PARD3B: variants seen among roughly 807,000 people sequenced by gnomAD.
PARD3B encodes the protein partitioning defective 3 homolog B.
A neutral mutation model predicts 130.2 loss-of-function variants in PARD3B; 103 were observed. The ratio of observed to expected loss-of-function variants is 0.79; its 90% CI spans 0.67 to 0.93. The LOEUF (loss-of-function observed/expected upper bound fraction) is 0.93, where lower values mean the gene tolerates loss of function less well. Ranked by LOEUF, PARD3B falls within the 40% of genes least tolerant of loss-of-function variation. The pLI is 0.00. For missense variants in PARD3B, 1,609 were observed against 1,499.2 expected (o/e 1.07, Z -1.21); for synonymous variants, 583 against 553.2 (o/e 1.05, Z -0.76).
chr2:204,846,419 A>T (rs967474745), intron 2 of PARD3B, among the ~76,000 whole-genome samples: 3 of 152,050 alleles, frequency 2.0e-5, no homozygotes, highest in African/African-American at 7.2e-5. Context: ...AGAAATACAT[A>T]GGCGTGTACA....
At chr2:205,378,640 T>C (rs2105927351) in intron 18 of PARD3B, among the ~76,000 whole-genome samples, 1 of 151,072 alleles carries the variant, frequency 6.6e-6, no homozygotes, top group Non-Finnish European at 1.5e-5. Flanking sequence ...TTTTTCTTTT[T>C]TTTTTTTTTT....
chr2:204,852,276 G>T (rs1575134431), intron 2 of PARD3B, among the ~76,000 whole-genome samples: 1 of 150,172 alleles, frequency 6.7e-6, no homozygotes, highest in Non-Finnish European at 1.5e-5. Flanking sequence ...TTTCATTATT[G>T]CCCTGTGGGA....
chr2:205,449,780 A>G (rs2048036075), intron 20 of PARD3B, among the ~76,000 whole-genome samples: 1 of 152,224 alleles, frequency 6.6e-6, no homozygotes, highest in African/African-American at 2.4e-5. Context: ...ATTTTGCAGA[A>G]AACTTTTATT....
intron 18 of PARD3B, among the ~76,000 whole-genome samples, chr2:205,370,667 G>A (rs73982896): frequency 0.015 from 2,213 of 152,334 alleles, 41 homozygotes; most frequent in African/African-American, 0.051. Context: ...CTTGGATGCA[G>A]TAGAGGGGAA....
At chr2:204,553,139 C>T (rs1041483417) in intron 1 of PARD3B, among the ~76,000 whole-genome samples, 2 of 151,152 alleles carry the variant, frequency 1.3e-5, no homozygotes, top group South Asian at 4.1e-4. Flanking sequence ...TAGAAATGGC[C>T]AACAAACAAG....
rs903131292 is a variant in PARD3B at position 205,241,103 on chromosome 2, C to G, written c.2141-4675C>G. Among the ~76,000 whole-genome samples the G allele has an allele frequency of 6.6e-6, 1 of 152,166 alleles. No homozygotes were observed. The highest frequency in any genetic ancestry group is 1.5e-5 in the Non-Finnish European group (1 of 68,004). On this transcript the variant is annotated intron_variant, in intron 15 of 22. Transcript: ENST00000406610. This position sits in a 1 kb window ranked among gnomAD's most constrained non-coding sequence, Gnocchi z 4.2. ...AAGATGCCATTGATGCTGGGCAGTT[C>G]TAATTAGCTTCAAAGGCTTACAACC...
At chr2:204,694,517 G>C (rs1478724259) in intron 2 of PARD3B, among the ~76,000 whole-genome samples, 1 of 151,990 alleles carries the variant, frequency 6.6e-6, no homozygotes, top group Non-Finnish European at 1.5e-5. Context: ...ATTTTAGTTA[G>C]TGATAGAGTG....
At position 205,301,488 on chromosome 2, in the gene PARD3B, A is replaced by T. The variant is rs556707988; in HGVS notation, c.2417A>T (p.His806Leu). 1.2e-5 allele frequency: 19 copies of T among 1,612,536 alleles called. No homozygotes were observed. Among genetic ancestry groups the T allele is most frequent in the African/African-American group, 8.0e-5 (6 of 74,646 alleles). The change falls in exon 18 of 23, where the codon CAC becomes CTC. Residue 806 changes from histidine to leucine, a missense_variant. Transcript: ENST00000406610. This position sits in a 1 kb window ranked among gnomAD's most constrained non-coding sequence, Gnocchi z 5.2. ...EADGLSDKSSHSGQGALNCES... is the reference protein window; with the variant it reads ...EADGLSDKSSLSGQGALNCES... ...GACGGTCTGTCTGATAAGAGCTCTC[A>T]CTCTGGCCAAGGAGCTCTGAATTGT... is the stretch of plus-strand genomic sequence containing the variant.
chr2:205,039,248 T>G (rs933186180), intron 3 of PARD3B, among the ~76,000 whole-genome samples: 2 of 152,088 alleles, frequency 1.3e-5, no homozygotes, highest in African/African-American at 4.8e-5. Flanking sequence ...ATGGGAGTAA[T>G]AGCAATACTG....
At chr2:205,248,411 T>TGGTGGCGGC (rs1559584640) in intron 16 of PARD3B, among the ~76,000 whole-genome samples, 1 of 148,244 alleles carries the variant, frequency 6.7e-6, no homozygotes, top group African/African-American at 2.5e-5. Context: ...GTGGTGGTGG[T>TGGTGGCGGC]GGTGGCGGCA....
At chr2:204,834,591 T>C (rs2043960621) in intron 2 of PARD3B, among the ~76,000 whole-genome samples, 2 of 152,218 alleles carry the variant, frequency 1.3e-5, no homozygotes, top group Non-Finnish European at 1.5e-5. Flanking sequence ...AGCATGTATA[T>C]GTTTATTAAT....
At chr2:205,376,619 A>T (rs2045064934) in intron 18 of PARD3B, among the ~76,000 whole-genome samples, 2 of 152,246 alleles carry the variant, frequency 1.3e-5, no homozygotes, top group African/African-American at 4.8e-5. Context: ...GTGTTCAAGT[A>T]CTGCATGCAA....
intron 18 of PARD3B, among the ~76,000 whole-genome samples, chr2:205,302,773 G>C (rs892874001): frequency 6.6e-6 from 1 of 152,092 alleles, no homozygotes; most frequent in Non-Finnish European, 1.5e-5. Context: ...TCTGGGCTCT[G>C]ATGCCCAAGT....
chr2:204,636,618 C>T (rs896950099), intron 1 of PARD3B, among the ~76,000 whole-genome samples: 2 of 152,088 alleles, frequency 1.3e-5, no homozygotes, highest in South Asian at 2.1e-4. Context: ...TTCCTTTGTC[C>T]TGCCTTCAGG....
intron 3 of PARD3B, among the ~76,000 whole-genome samples, chr2:204,976,183 G>C (rs1692130081): frequency 6.6e-6 from 1 of 152,078 alleles, no homozygotes; most frequent in Non-Finnish European, 1.5e-5. Context: ...GAAGCAAGTA[G>C]GCAATGGAAT....
rs575426169 is a variant in PARD3B, at chr2:205,067,402, C to G, written c.504+19712C>G. Among the ~76,000 whole-genome samples the G allele has an allele frequency of 4.6e-5, 7 of 151,962 alleles. No individual in the cohort carries two copies. In the South Asian group the frequency reaches 1.5e-3, roughly 32 times the overall value. On this transcript the variant is annotated intron_variant, in intron 4 of 22. Coordinates refer to ENST00000406610, the MANE Select transcript of PARD3B (RefSeq NM_001302769.2). ...TGGCCTCAAACTCCTGGCCTCAAACCATCCTCCTGTCTTGGCCTTCCAAAG... is the reference window on the plus strand; with the variant it reads ...TGGCCTCAAACTCCTGGCCTCAAACGATCCTCCTGTCTTGGCCTTCCAAAG...
chr2:204,978,322 A>C (rs1172964828), intron 3 of PARD3B, among the ~76,000 whole-genome samples: 1 of 152,232 alleles, frequency 6.6e-6, no homozygotes, highest in Non-Finnish European at 1.5e-5. Context: ...ATAATTATTA[A>C]TGTCTATTAG....
At chr2:205,483,358 C>T (rs1369325388) in intron 20 of PARD3B, among the ~76,000 whole-genome samples, 1 of 152,186 alleles carries the variant, frequency 6.6e-6, no homozygotes, top group African/African-American at 2.4e-5. Context: ...AAAGCTCTTA[C>T]AGCTGTCCAA....
intron 2 of PARD3B, among the ~76,000 whole-genome samples, chr2:204,946,883 T>C (rs1456775345): frequency 6.6e-6 from 1 of 152,190 alleles, no homozygotes; most frequent in East Asian, 1.9e-4. Context: ...TTCCAGTCCC[T>C]ATCCGAAGGC....
Sources: allele counts gnomAD v4.1 joint callset (sites outside exome capture counted in the v4.1 genomes callset), GRCh38; gene constraint gnomAD v4.1.1; non-coding constraint Gnocchi (gnomAD v3.1); transcripts MANE v1.5; gene names NCBI Gene and HGNC (gene_info 2026-07-23, HGNC 2026-07-21).